Variants in DSCAM observed in about 807,000 individuals in gnomAD.
The protein encoded by DSCAM is cell adhesion molecule DSCAM.
DSCAM carries 47 observed loss-of-function variants against 217.7 expected under a neutral mutation model. The observed-to-expected ratio is 0.22, with a 90% CI of 0.17 to 0.28. The LOEUF is 0.28. DSCAM is among the 10% of genes least tolerant of loss of function. DSCAM has a pLI of 1.00. For missense variants in DSCAM, 2,080 were observed against 2,618.3 expected (o/e 0.79, Z 4.49); for synonymous variants, 1,056 against 1,015.3 (o/e 1.04, Z -0.76).
chr21:40,033,891 C>T (rs1486491381), intron 32 of DSCAM, among the ~76,000 whole-genome samples: 2 of 131,968 alleles, frequency 1.5e-5, no homozygotes, highest in Non-Finnish European at 3.3e-5. Context: ...AGCAGCCTAA[C>T]TGGGAGGCAC....
chr21:40,794,164 T>C (rs2091670885), intron 1 of DSCAM, among the ~76,000 whole-genome samples: 1 of 152,172 alleles, frequency 6.6e-6, no homozygotes, highest in Admixed American at 6.5e-5. Flanking sequence ...TTTACATTTA[T>C]CTTGAGCTGC....
At chr21:40,252,168 A>T (rs1275753322) in intron 11 of DSCAM, among the ~76,000 whole-genome samples, 1 of 152,206 alleles carries the variant, frequency 6.6e-6, no homozygotes, top group Non-Finnish European at 1.5e-5. Context: ...GACCCACAAA[A>T]ACTGTAAGAA....
At chr21:40,308,077 G>T (rs921976993) in intron 9 of DSCAM, among the ~76,000 whole-genome samples, 1 of 151,610 alleles carries the variant, frequency 6.6e-6, no homozygotes, top group Non-Finnish European at 1.5e-5. Context: ...AAAACTTAAA[G>T]AATAATAATA....
In DSCAM at chr21:40,485,277, C is replaced by G. The variant is rs1191470474; in HGVS notation, c.509-116032G>C. 2.8e-5 allele frequency among the ~76,000 whole-genome samples: 4 copies of G among 144,782 alleles called. No individual in the cohort carries two copies. The East Asian group carries it at 8.2e-4, about 30-fold the overall frequency. The allele number at this position is 144,782 out of a possible 152,430, so 95.0% of individuals were successfully genotyped here. ...TTTTTTTGAGACGGAGCCTCGCTGTCGCCCAGGCTGGAGTGAGTGCAGTGG... is the reference window on the plus strand; with the variant it reads ...TTTTTTTGAGACGGAGCCTCGCTGTGGCCCAGGCTGGAGTGAGTGCAGTGG... On this transcript the variant is annotated intron_variant, in intron 3 of 32. Coordinates refer to ENST00000400454, the MANE Select transcript of DSCAM (RefSeq NM_001389.5).
At chr21:40,147,759 T>C (rs1047443774) in intron 16 of DSCAM, among the ~76,000 whole-genome samples, 3 of 152,238 alleles carry the variant, frequency 2.0e-5, no homozygotes, top group Non-Finnish European at 1.5e-5. Flanking sequence ...TTTAATATGC[T>C]ATTATGATTA....
chr21:40,314,574 C>A (rs1569058592), intron 8 of DSCAM, among the ~76,000 whole-genome samples: 1 of 152,058 alleles, frequency 6.6e-6, no homozygotes, highest in Non-Finnish European at 1.5e-5. Flanking sequence ...TCTCTTGCCC[C>A]CAAGTGGCAT....
At chr21:40,380,834 C>T (rs930836329) in intron 3 of DSCAM, among the ~76,000 whole-genome samples, 14 of 151,990 alleles carry the variant, frequency 9.2e-5, no homozygotes, top group South Asian at 6.2e-4. Context: ...GAGGCCGAGG[C>T]GGGCGGATCA....
At chr21:40,136,957 G>C (rs1380955769) in intron 18 of DSCAM, among the ~76,000 whole-genome samples, 1 of 151,976 alleles carries the variant, frequency 6.6e-6, no homozygotes, top group Non-Finnish European at 1.5e-5. Flanking sequence ...GGTGGATCAC[G>C]AGGTCAAGAC....
intron 3 of DSCAM, among the ~76,000 whole-genome samples, chr21:40,629,074 GTGGTGTGTGTGTGTGTGTGT>G (rs1294327735): frequency 3.7e-4 from 49 of 133,490 alleles, no homozygotes; most frequent in Admixed American, 5.7e-4. Flanking sequence ...ATGTGTGTGT[GTGGTGTGTGTGTGTGTGTGT>G]GTGTGTGTGT....
intron 3 of DSCAM, among the ~76,000 whole-genome samples, chr21:40,391,249 T>C (rs1283572256): frequency 1.3e-5 from 2 of 152,222 alleles, no homozygotes; most frequent in Non-Finnish European, 2.9e-5. Context: ...GAGTATTCTA[T>C]TCACTCACTT....
At chr21:40,031,528 A>G (rs1290967451) in intron 32 of DSCAM, among the ~76,000 whole-genome samples, 2 of 152,204 alleles carry the variant, frequency 1.3e-5, no homozygotes, top group Non-Finnish European at 2.9e-5. Context: ...TGTGTATCAA[A>G]GACTGCAGGC....
At chr21:40,525,009 C>CAAAAAAAAAAAAAAAAAAAAA (rs58427418) in intron 3 of DSCAM, among the ~76,000 whole-genome samples, 22 of 56,094 alleles carry the variant, frequency 3.9e-4, no homozygotes, top group South Asian at 7.6e-4. Flanking sequence ...GACTCAGTCT[C>CAAAAAAAAAAAAAAAAAAAAA]AAAAAAAAAA....
intron 20 of DSCAM, among the ~76,000 whole-genome samples, chr21:40,123,426 G>A (rs1479102744): frequency 6.6e-6 from 1 of 152,224 alleles, no homozygotes; most frequent in Non-Finnish European, 1.5e-5. Context: ...CATGGCACCT[G>A]CTGCAGAAAA....
chr21:40,485,652 T>C (rs1288539106), intron 3 of DSCAM, among the ~76,000 whole-genome samples: 1 of 152,184 alleles, frequency 6.6e-6, no homozygotes, highest in Admixed American at 6.5e-5. Context: ...TAAGTTTAAA[T>C]AATTTTATTT....
chr21:40,219,127 C>T (rs1425063853), intron 11 of DSCAM, among the ~76,000 whole-genome samples: 3 of 152,078 alleles, frequency 2.0e-5, no homozygotes, highest in Non-Finnish European at 4.4e-5. Flanking sequence ...ATATATAGCT[C>T]TTATTATTTT....
chr21:40,548,477 T>A (rs535773050), intron 3 of DSCAM, among the ~76,000 whole-genome samples: 49 of 149,836 alleles, frequency 3.3e-4, no homozygotes, highest in South Asian at 1.3e-3. Flanking sequence ...CTGGATGTAA[T>A]TAATCTTCAA....
At chr21:40,570,315 G>A (rs1454491663) in intron 3 of DSCAM, among the ~76,000 whole-genome samples, 1 of 152,194 alleles carries the variant, frequency 6.6e-6, no homozygotes, top group Non-Finnish European at 1.5e-5. Flanking sequence ...CCAAGGTAAA[G>A]AGAATCTAGC....
intron 10 of DSCAM, among the ~76,000 whole-genome samples, chr21:40,283,495 G>A (rs1489140951): frequency 6.6e-6 from 1 of 152,210 alleles, no homozygotes; most frequent in Non-Finnish European, 1.5e-5. Context: ...GGGACTGAGA[G>A]TATGGGGACA....
chr21:40,836,760 G>A (rs1237538669), intron 1 of DSCAM, among the ~76,000 whole-genome samples: 1 of 152,158 alleles, frequency 6.6e-6, no homozygotes, highest in South Asian at 2.1e-4. Context: ...ATACACCAAG[G>A]CTACAGAATC....
Sources: gnomAD v4.1 joint callset for allele counts (sites outside exome capture counted in the v4.1 genomes callset) on GRCh38, gnomAD v4.1.1 for gene constraint, MANE v1.5 for transcripts, NCBI Gene and HGNC (gene_info 2026-07-23, HGNC 2026-07-21) for gene names.